The following VPS26A variants were observed in gnomAD, a reference collection of about 807,000 sequenced individuals.
VPS26A encodes VPS26 retromer complex component A, also known as vacuolar protein sorting-associated protein 26A.
In VPS26A, 22 loss-of-function variants were observed where a neutral mutation model predicts 42.4. The observed-to-expected ratio is 0.52, with a 90% CI of 0.37 to 0.74. The LOEUF (loss-of-function observed/expected upper bound fraction) is 0.74, where lower values mean the gene tolerates loss of function less well. Among genes scored for constraint, VPS26A ranks in the 30% least tolerant of loss-of-function variants. The probability of loss-of-function intolerance (pLI) is 0.00; values close to 1 mark genes in which losing one functional copy is unlikely to be tolerated. For synonymous variants in VPS26A, 110 were observed against 123.5 expected (o/e 0.89, Z 0.73); for missense variants, 276 against 379.2 (o/e 0.73, Z 2.26).
chr10:69,173,590 C>G lies in VPS26A; in HGVS notation c.*2321C>G, dbSNP rs767976962. 3.9e-5 allele frequency among the ~76,000 whole-genome samples: 6 copies of G among 152,210 alleles called. No homozygotes were observed. The highest frequency in any genetic ancestry group is 8.8e-5 in the Non-Finnish European group (6 of 68,040). On this transcript the variant is annotated 3_prime_UTR_variant, in exon 9 of 9. Transcript: ENST00000263559. ...CTGAGTTGCGTGGGGACTTGGAGAA[C>G]TTTTCTGTCTTACAAGGGGATTGTA...
At chr10:69,150,847 T>C (rs1435069638) in intron 2 of VPS26A, among the ~76,000 whole-genome samples, 2 of 152,210 alleles carry the variant, frequency 1.3e-5, no homozygotes, top group Non-Finnish European at 2.9e-5. Context: ...TGGGGCAGAA[T>C]ATAAAACTTG....
At chr10:69,161,553 G>T in intron 5 of VPS26A, 1 of 224,614 alleles carries the variant, frequency 4.5e-6, no homozygotes, top group Non-Finnish European at 9.3e-6. Context: ...AGTATTCTCT[G>T]ATGACATCCT....
intron 2 of VPS26A, among the ~76,000 whole-genome samples, chr10:69,136,021 A>G (rs1840900465): frequency 6.6e-6 from 1 of 152,114 alleles, no homozygotes; most frequent in East Asian, 1.9e-4. Context: ...TCTTAATCTC[A>G]GGTTCCCTCT....
At chr10:69,157,216 C>T in intron 4 of VPS26A, 53 bp downstream of exon 4, 1 of 1,531,424 alleles carries the variant, frequency 6.5e-7, no homozygotes, top group Non-Finnish European at 8.8e-7. Flanking sequence ...AAAGTAATGA[C>T]TACTGTTGAT....
intron 5 of VPS26A, among the ~76,000 whole-genome samples, chr10:69,160,309 G>A (rs2132230443): frequency 6.6e-6 from 1 of 151,708 alleles, no homozygotes; most frequent in East Asian, 1.9e-4. Context: ...ACAGGTGCCT[G>A]CCACTATGCC....
Position 69,173,022 on chromosome 10 carries a change from A to T in VPS26A, c.*1753A>T, listed in dbSNP as rs541409376. On this transcript the variant is annotated 3_prime_UTR_variant, in exon 9 of 9. Coordinates refer to ENST00000263559, the MANE Select transcript of VPS26A (RefSeq NM_004896.5). ...TGGTTTCAATTTTAAATAGATATATAATGCTTTTAATAGGCTGGCTTAAAA... is the reference window on the plus strand; with the variant it reads ...TGGTTTCAATTTTAAATAGATATATTATGCTTTTAATAGGCTGGCTTAAAA... Among the ~76,000 whole-genome samples the T allele has an allele frequency of 6.6e-6, 1 of 152,212 alleles. No homozygotes were observed. The highest frequency in any genetic ancestry group is 1.5e-5 in the Non-Finnish European group (1 of 68,040).
intron 5 of VPS26A, among the ~76,000 whole-genome samples, chr10:69,160,447 C>G (rs571332773): frequency 6.6e-6 from 1 of 151,268 alleles, no homozygotes; most frequent in East Asian, 1.9e-4. Flanking sequence ...CATGAGCCAC[C>G]GCGCCCAACA....
chr10:69,167,289 G>A (rs1260524473), intron 7 of VPS26A, among the ~76,000 whole-genome samples: 26 of 151,992 alleles, frequency 1.7e-4, no homozygotes, highest in African/African-American at 2.4e-5. Flanking sequence ...AAATTAGCCA[G>A]GCATGGTGGC....
chr10:69,163,156 A>G (rs1589363619), intron 6 of VPS26A, among the ~76,000 whole-genome samples: 1 of 152,346 alleles, frequency 6.6e-6, no homozygotes, highest in East Asian at 1.9e-4. Context: ...AAATTGAACC[A>G]GTCTGCTGTT....
intron 2 of VPS26A, among the ~76,000 whole-genome samples, chr10:69,137,627 AG>A (rs1840943608): frequency 6.6e-6 from 1 of 152,168 alleles, no homozygotes; most frequent in African/African-American, 2.4e-5. Flanking sequence ...AATTCCAGTT[AG>A]GATAACCTCC....
At chr10:69,166,404 C>T (rs543808351) in intron 7 of VPS26A, among the ~76,000 whole-genome samples, 3 of 151,668 alleles carry the variant, frequency 2.0e-5, no homozygotes, top group East Asian at 3.9e-4. Context: ...TACAATAGTT[C>T]GTCTTTGTAA....
At chr10:69,152,871 G>T (rs1841345742) in intron 2 of VPS26A, among the ~76,000 whole-genome samples, 1 of 151,794 alleles carries the variant, frequency 6.6e-6, no homozygotes, top group Admixed American at 6.6e-5. Flanking sequence ...CCAGGAGGCT[G>T]AGGCAGGAGA....
intron 5 of VPS26A, 67 bp from the exon 6 acceptor site, chr10:69,162,339 G>A (rs534396804): frequency 2.4e-6 from 2 of 816,740 alleles, no homozygotes; most frequent in South Asian, 3.4e-5. Context: ...AAGTCTTTTA[G>A]GACATAGTTC....
intron 2 of VPS26A, among the ~76,000 whole-genome samples, chr10:69,149,266 T>A (rs1020292265): frequency 1.3e-5 from 2 of 152,192 alleles, no homozygotes; most frequent in East Asian, 3.8e-4. Flanking sequence ...ATATGATGCA[T>A]TGAAATAGAT....
At chr10:69,156,808 C>T (rs1190566445) in intron 3 of VPS26A, among the ~76,000 whole-genome samples, 199 bp from the exon 4 acceptor site, 3 of 152,132 alleles carry the variant, frequency 2.0e-5, no homozygotes, top group Non-Finnish European at 4.4e-5. Context: ...TTTCATTGTG[C>T]TATGCCACTT....
chr10:69,138,998 A>G (rs1840982639), intron 2 of VPS26A, among the ~76,000 whole-genome samples: 1 of 152,230 alleles, frequency 6.6e-6, no homozygotes, highest in Non-Finnish European at 1.5e-5. Flanking sequence ...GTACATTGTC[A>G]GAGTGTATAG....
At chr10:69,144,499 T>TAGACA (rs1841112510) in intron 2 of VPS26A, among the ~76,000 whole-genome samples, 1 of 152,230 alleles carries the variant, frequency 6.6e-6, no homozygotes, top group Non-Finnish European at 1.5e-5. Context: ...ATTTTGTCTT[T>TAGACA]TCTAGAATGT....
At chr10:69,136,181 T>C (rs1002994535) in intron 2 of VPS26A, among the ~76,000 whole-genome samples, 9 of 152,160 alleles carry the variant, frequency 5.9e-5, no homozygotes, top group Non-Finnish European at 1.2e-4. Context: ...AGTTTGATTC[T>C]TCTGGCAAGA....
At chr10:69,127,156 G>T (rs949218830) in intron 1 of VPS26A, among the ~76,000 whole-genome samples, 1 of 139,568 alleles carries the variant, frequency 7.2e-6, no homozygotes, top group African/African-American at 2.7e-5. Context: ...ATGTTGGCCA[G>T]ACTGGTCTCA....
Sources: gnomAD v4.1 joint callset for allele counts (sites outside exome capture counted in the v4.1 genomes callset) on GRCh38, gnomAD v4.1.1 for gene constraint, MANE v1.5 for transcripts, NCBI Gene and HGNC (gene_info 2026-07-23, HGNC 2026-07-21) for gene names.